The following NRG3 variants were observed in gnomAD, a reference collection of about 807,000 sequenced individuals.
NRG3 encodes pro-neuregulin-3, membrane-bound isoform.
Under a neutral mutation model 66.9 loss-of-function variants are expected in NRG3, and 31 were observed. That is an observed-to-expected ratio of 0.46 (90% CI 0.35 to 0.63). The LOEUF is 0.63. NRG3 is among the 20% of genes least tolerant of loss of function. The pLI, the probability that NRG3 is intolerant of heterozygous loss-of-function variation, is 0.00. For synonymous variants in NRG3, 393 were observed against 359.4 expected (o/e 1.09, Z -1.06); for missense variants, 910 against 878.9 (o/e 1.04, Z -0.45).
intron 4 of NRG3, among the ~76,000 whole-genome samples, chr10:82,895,955 A>G (rs904634388): frequency 2.0e-5 from 3 of 152,190 alleles, no homozygotes; most frequent in Admixed American, 6.5e-5. Flanking sequence ...ATCGAATGAA[A>G]TACTGCAGCT....
intron 2 of NRG3, among the ~76,000 whole-genome samples, chr10:82,437,863 G>A (rs1250011685): frequency 1.3e-5 from 2 of 152,128 alleles, no homozygotes. Flanking sequence ...CAGCTGATTT[G>A]CTCCCGTGCC....
At chr10:82,428,293 T>G in intron 2 of NRG3, among the ~76,000 whole-genome samples, 1 of 152,122 alleles carries the variant, frequency 6.6e-6, no homozygotes, top group South Asian at 2.1e-4. Context: ...TGATTTGAGA[T>G]ATTTCTTCTT....
intron 2 of NRG3, among the ~76,000 whole-genome samples, chr10:82,732,470 C>T (rs1208381163): frequency 6.6e-6 from 1 of 152,078 alleles, no homozygotes; most frequent in Non-Finnish European, 1.5e-5. Flanking sequence ...GAAGGTACCA[C>T]AGATAAAGCA....
At chr10:82,196,974 C>A (rs549712769) in intron 1 of NRG3, among the ~76,000 whole-genome samples, 2 of 152,178 alleles carry the variant, frequency 1.3e-5, no homozygotes, top group African/African-American at 4.8e-5. Context: ...CAACACAATT[C>A]TCTGAGTTGT....
intron 1 of NRG3, among the ~76,000 whole-genome samples, chr10:81,883,591 G>T (rs1842368473): frequency 6.6e-6 from 1 of 152,118 alleles, no homozygotes; most frequent in Admixed American, 6.6e-5. Context: ...TTAAAGAAAA[G>T]GTCAGCTGAA....
At chr10:82,846,813 T>C (rs1167132425) in intron 3 of NRG3, among the ~76,000 whole-genome samples, 1 of 152,182 alleles carries the variant, frequency 6.6e-6, no homozygotes, top group Non-Finnish European at 1.5e-5. Context: ...TAGTTTGGTT[T>C]TGGAGTTGTG....
chr10:82,244,561 T>C (rs545095515), intron 1 of NRG3, among the ~76,000 whole-genome samples: 1 of 152,314 alleles, frequency 6.6e-6, no homozygotes, highest in Admixed American at 6.5e-5. Context: ...CTTTGAATTC[T>C]CAAAAATATT....
At chr10:81,990,892 TA>T (rs2060714143) in intron 1 of NRG3, among the ~76,000 whole-genome samples, 1 of 152,188 alleles carries the variant, frequency 6.6e-6, no homozygotes, top group Non-Finnish European at 1.5e-5. Context: ...TACCTACTAG[TA>T]AAATGCAAGT....
At chr10:82,345,304 C>T (rs1740808123) in intron 1 of NRG3, among the ~76,000 whole-genome samples, 1 of 140,800 alleles carries the variant, frequency 7.1e-6, no homozygotes, top group African/African-American at 3.1e-5. Context: ...TTCCAAACAC[C>T]ATTTATTAAA....
At chr10:82,095,856 T>C (rs1270603204) in intron 1 of NRG3, among the ~76,000 whole-genome samples, 6 of 152,204 alleles carry the variant, frequency 3.9e-5, no homozygotes, top group Non-Finnish European at 7.3e-5. Flanking sequence ...ATGCCAGCCA[T>C]GAATGAATTG....
intron 1 of NRG3, among the ~76,000 whole-genome samples, chr10:82,193,861 G>C (rs2074301171): frequency 6.6e-6 from 1 of 152,128 alleles, no homozygotes; most frequent in South Asian, 2.1e-4. Flanking sequence ...AAATGTTGAG[G>C]CTTAACGGCA....
In NRG3 at chr10:82,166,900, C is replaced by G. The variant is rs1590380852; in HGVS notation, c.824-191839C>G. 5 of 558,048 alleles carry G rather than the reference C, an allele frequency of 9.0e-6. No homozygotes were observed. In the East Asian group the frequency reaches 1.5e-4, roughly 17 times the overall value. The allele number at this position is 558,048 out of a possible 1,614,324, so 34.6% of individuals were successfully genotyped here. On this transcript the variant is annotated intron_variant, in intron 1 of 8. Coordinates refer to ENST00000372141, the MANE Select transcript of NRG3 (RefSeq NM_001010848.4). Reference sequence around the variant, plus strand: ...TTTCTCAGTAGTTTTTTTTTATTCCCTCCTTGGTATTTTAAAGATGTGCTT... The same window carrying G: ...TTTCTCAGTAGTTTTTTTTTATTCCGTCCTTGGTATTTTAAAGATGTGCTT...
intron 2 of NRG3, among the ~76,000 whole-genome samples, chr10:82,373,925 T>C (rs1379837571): frequency 2.0e-5 from 3 of 152,170 alleles, no homozygotes; most frequent in Admixed American, 6.5e-5. Context: ...CAAAACATTA[T>C]CTGGATGTAT....
intron 2 of NRG3, among the ~76,000 whole-genome samples, chr10:82,575,954 A>G (rs2046004238): frequency 6.6e-6 from 1 of 151,702 alleles, no homozygotes; most frequent in African/African-American, 2.4e-5. Context: ...CTACTAAGTA[A>G]GGAGGATCAA....
intron 1 of NRG3, among the ~76,000 whole-genome samples, chr10:82,253,594 T>A (rs1213244872): frequency 6.6e-6 from 1 of 152,164 alleles, no homozygotes; most frequent in African/African-American, 2.4e-5. Flanking sequence ...TCAGCCACCA[T>A]CACCTTACTC....
chr10:82,573,221 C>T (rs2045843288), intron 2 of NRG3, among the ~76,000 whole-genome samples: 1 of 151,794 alleles, frequency 6.6e-6, no homozygotes, highest in Admixed American at 6.6e-5. Flanking sequence ...AGGTTGACCT[C>T]TGGAGCAAAG....
At chr10:82,627,170 T>C (rs2049490163) in intron 2 of NRG3, among the ~76,000 whole-genome samples, 1 of 152,010 alleles carries the variant, frequency 6.6e-6, no homozygotes, top group Non-Finnish European at 1.5e-5. Context: ...GGAGCTGGAG[T>C]GTGCCTCCAT....
intron 2 of NRG3, among the ~76,000 whole-genome samples, chr10:82,565,145 G>A (rs548111194): frequency 1.3e-5 from 2 of 152,224 alleles, no homozygotes; most frequent in Non-Finnish European, 2.9e-5. Context: ...TGAACATATG[G>A]CAAACTATAA....
At chr10:82,289,361 C>T (rs563384727) in intron 1 of NRG3, among the ~76,000 whole-genome samples, 4 of 151,974 alleles carry the variant, frequency 2.6e-5, no homozygotes, top group Admixed American at 2.0e-4. Context: ...AAAGGGCCAA[C>T]GACTTACTAG....
Sources: allele counts gnomAD v4.1 joint callset (sites outside exome capture counted in the v4.1 genomes callset), GRCh38; gene constraint gnomAD v4.1.1; transcripts MANE v1.5; gene names NCBI Gene and HGNC (gene_info 2026-07-23, HGNC 2026-07-21).